The following WDFY4 variants were observed in gnomAD, a reference collection of about 807,000 sequenced individuals.
WDFY4 encodes the protein WDFY family member 4.
Under a neutral mutation model 351.9 loss-of-function variants are expected in WDFY4, and 169 were observed. That is an observed-to-expected ratio of 0.48 (90% CI 0.42 to 0.55). The LOEUF (loss-of-function observed/expected upper bound fraction) is 0.55. Ranked by LOEUF, WDFY4 falls within the 20% of genes least tolerant of loss-of-function variation. The pLI, the probability that WDFY4 is intolerant of heterozygous loss-of-function variation, is 0.00. For synonymous variants in WDFY4, 1,622 were observed against 1,574.6 expected (o/e 1.03, Z -0.71); for missense variants, 3,803 against 3,935.6 (o/e 0.97, Z 0.90).
At chr10:48,903,109 A>T (rs979266415) in intron 47 of WDFY4, among the ~76,000 whole-genome samples, 1 of 150,784 alleles carries the variant, frequency 6.6e-6, no homozygotes, top group Non-Finnish European at 1.5e-5. Flanking sequence ...GACTCTGTCT[A>T]AAAAAAAAGG....
chr10:48,770,450 T>C (rs2065824935), intron 13 of WDFY4, among the ~76,000 whole-genome samples: 1 of 152,210 alleles, frequency 6.6e-6, no homozygotes, highest in Non-Finnish European at 1.5e-5. Flanking sequence ...CATTGTGATG[T>C]TATTTTTGCC....
At chr10:48,774,378 A>G (rs1445256537) in intron 13 of WDFY4, 80 bp from the exon 14 acceptor site, 3 of 1,449,448 alleles carry the variant, frequency 2.1e-6, no homozygotes, top group East Asian at 2.5e-5. Flanking sequence ...AACTCACCCC[A>G]GGCCAAGTTG....
At chr10:48,821,813 G>A (rs977085515) in intron 34 of WDFY4, among the ~76,000 whole-genome samples, 5 of 152,186 alleles carry the variant, frequency 3.3e-5, no homozygotes, top group African/African-American at 1.2e-4. Context: ...AGAGTAGCAG[G>A]GTGGTGAAGT....
At chr10:48,963,228 G>C (rs1841938773) in intron 53 of WDFY4, among the ~76,000 whole-genome samples, 1 of 152,256 alleles carries the variant, frequency 6.6e-6, no homozygotes, top group Non-Finnish European at 1.5e-5. Context: ...GGCATCGTAT[G>C]TGCTTAGTGA....
At chr10:48,723,814 T>C (rs941586140) in intron 5 of WDFY4, among the ~76,000 whole-genome samples, 4 of 152,112 alleles carry the variant, frequency 2.6e-5, no homozygotes, top group Non-Finnish European at 4.4e-5. Flanking sequence ...CTCACATGGG[T>C]CACCTCCAGG....
intron 42 of WDFY4, among the ~76,000 whole-genome samples, 173 bp from the exon 43 acceptor site, chr10:48,876,859 GA>G (rs1415040019): frequency 6.6e-6 from 1 of 152,224 alleles, no homozygotes; most frequent in Admixed American, 6.5e-5. Context: ...GGGTGCCCCA[GA>G]TGTGTGGTGT....
intron 48 of WDFY4, among the ~76,000 whole-genome samples, chr10:48,942,814 A>G (rs1422411433): frequency 6.6e-6 from 1 of 152,148 alleles, no homozygotes; most frequent in Non-Finnish European, 1.5e-5. Flanking sequence ...GTGACTGTTC[A>G]TCTGGAGGCA....
intron 52 of WDFY4, among the ~76,000 whole-genome samples, chr10:48,958,134 G>A (rs1245206819): frequency 1.3e-5 from 2 of 152,330 alleles, no homozygotes; most frequent in East Asian, 1.9e-4. Flanking sequence ...CCTGTAGGGG[G>A]TACAGCAGAG....
Position 48,982,629 on chromosome 10 carries a change from G to T in WDFY4, c.*54G>T, listed in dbSNP as rs1052491670. The T allele has an allele frequency of 4.6e-6, 7 of 1,516,712 alleles. No homozygotes were observed. Among genetic ancestry groups the T allele is most frequent in the Non-Finnish European group, 6.3e-6 (7 of 1,118,524 alleles). 94.0% of individuals were successfully genotyped at this position (1,516,712 alleles called of 1,614,324 possible). ...CAACAGTGCCAGGCTGAGGGTGGCA[G>T]AGGTGACTGGGGCCTGAGCTCTGCC... On this transcript the variant is annotated 3_prime_UTR_variant, in exon 62 of 62. Transcript: ENST00000325239.
intron 2 of WDFY4, among the ~76,000 whole-genome samples, chr10:48,715,108 C>T (rs1407884503): frequency 6.6e-6 from 1 of 152,226 alleles, no homozygotes. Context: ...GGATCCAAGG[C>T]CCTGACCTTG....
rs74855954 is a variant in WDFY4, at chr10:48,695,666, C to T, written c.-18+10665C>T. 6.2e-3 allele frequency among the ~76,000 whole-genome samples: 937 copies of T among 152,154 alleles called. 4 individuals carry two copies. Among genetic ancestry groups the T allele is most frequent in the Admixed American group, 0.011 (169 of 15,286 alleles). ...CACTTTCTTACATTTCAGTGGAGAC[C>T]GAGCCCTGATCGGCTCCCAGTTTGG... On this transcript the variant is annotated intron_variant, in intron 1 of 61. Transcript: ENST00000325239.
intron 39 of WDFY4, among the ~76,000 whole-genome samples, chr10:48,862,933 T>A (rs2069395911): frequency 6.6e-6 from 1 of 152,264 alleles, no homozygotes; most frequent in African/African-American, 2.4e-5. Flanking sequence ...ACATTTCATA[T>A]AAATGGAATC....
At position 48,727,154 on chromosome 10, in the gene WDFY4, G is replaced by A. The variant is rs569483132; in HGVS notation, c.782-316G>A. ...CCAGCATTGCCTCCTTAAGGTCTGA[G>A]ATGAGCTCAGGTCTTGCATTTTACA... On this transcript the variant is annotated intron_variant, in intron 6 of 61. Coordinates refer to ENST00000325239, the MANE Select transcript of WDFY4 (RefSeq NM_001394531.1). Among the ~76,000 whole-genome samples the A allele has an allele frequency of 2.7e-3, 406 of 152,284 alleles. 1 individual carries two copies. Among genetic ancestry groups the A allele is most frequent in the African/African-American group, 9.4e-3 (391 of 41,554 alleles).
At chr10:48,690,422 G>A (rs1326082663) in intron 1 of WDFY4, among the ~76,000 whole-genome samples, 2 of 152,162 alleles carry the variant, frequency 1.3e-5, no homozygotes, top group Non-Finnish European at 2.9e-5. Flanking sequence ...AACCTCTGTG[G>A]CCAGTGGCAC....
rs1490712250 is a variant in WDFY4, at chr10:48,787,879, TTTCTTCTTCTTCTCCTTCTTC to T, written c.3809-637_3809-617del. Among the ~76,000 whole-genome samples, 793 of 104,368 alleles carry T rather than the reference TTTCTTCTTCTTCTCCTTCTTC, an allele frequency of 7.6e-3. 45 individuals are homozygous for T. Among genetic ancestry groups the T allele is most frequent in the East Asian group, 9.5e-3 (31 of 3,264 alleles). 68.5% of individuals were successfully genotyped at this position (104,368 alleles called of 152,430 possible). A position where few individuals can be genotyped will look rare whatever the true frequency, so the allele number is the denominator to read the frequency against. On this transcript the variant is annotated intron_variant, in intron 20 of 61. Coordinates refer to ENST00000325239, the MANE Select transcript of WDFY4 (RefSeq NM_001394531.1). ...CTTCTTTCTTCTTCTTTCTTCTTTC[TTTCTTCTTCTTCTCCTTCTTC>T]TTCTTCTTCTTCTTCTTCTTCTTCT...
intron 47 of WDFY4, 21 bp from the exon 48 acceptor site, chr10:48,941,785 C>T (rs1227128913): frequency 6.4e-7 from 1 of 1,551,666 alleles, no homozygotes; most frequent in African/African-American, 1.4e-5. Context: ...TTAGTCACCA[C>T]CTTGGTTTTC....
Position 48,821,232 on chromosome 10 carries a change from G to C in WDFY4, c.5824+56G>C, listed in dbSNP as rs45626935. ...ATGACATGAGGCTGCTGACAGTGGAGAGGAAACCAGCATGCTGGCCAGGAA... is the reference window on the plus strand; with the variant it reads ...ATGACATGAGGCTGCTGACAGTGGACAGGAAACCAGCATGCTGGCCAGGAA... On this transcript the variant is annotated intron_variant, in intron 34 of 61. Coordinates refer to ENST00000325239, the MANE Select transcript of WDFY4 (RefSeq NM_001394531.1). 3 of 1,382,344 alleles carry C rather than the reference G, an allele frequency of 2.2e-6. No homozygotes were observed. In the African/African-American group the frequency reaches 4.3e-5, roughly 20 times the overall value. 85.6% of individuals were successfully genotyped at this position (1,382,344 alleles called of 1,614,324 possible). A position where few individuals can be genotyped will look rare whatever the true frequency, so the allele number is the denominator to read the frequency against.
intron 39 of WDFY4, among the ~76,000 whole-genome samples, chr10:48,844,374 C>G (rs1564410596): frequency 6.6e-6 from 1 of 152,066 alleles, no homozygotes; most frequent in East Asian, 1.9e-4. Flanking sequence ...AGTGGATCAC[C>G]TGAGGTCAGG....
At chr10:48,757,716 T>C (rs1336717039) in intron 12 of WDFY4, among the ~76,000 whole-genome samples, 1 of 152,036 alleles carries the variant, frequency 6.6e-6, no homozygotes, top group African/African-American at 2.4e-5. Context: ...ATTTTAGTAT[T>C]CAATTTGAGT....
Sources: gnomAD v4.1 joint callset for allele counts (sites outside exome capture counted in the v4.1 genomes callset) on GRCh38, gnomAD v4.1.1 for gene constraint, MANE v1.5 for transcripts, NCBI Gene and HGNC (gene_info 2026-07-23, HGNC 2026-07-21) for gene names.